Variants in UTP6 observed in about 807,000 individuals in gnomAD.
UTP6 encodes the protein U3 small nucleolar RNA-associated protein 6 homolog.
UTP6 carries 60 observed loss-of-function variants against 96.5 expected under a neutral mutation model. That is an observed-to-expected ratio of 0.62 (90% CI 0.51 to 0.77). The LOEUF (loss-of-function observed/expected upper bound fraction) is 0.77. Ranked by LOEUF, UTP6 falls within the 30% of genes least tolerant of loss-of-function variation. The pLI, the probability that UTP6 is intolerant of heterozygous loss-of-function variation, is 0.00. For synonymous variants in UTP6, 215 were observed against 240.1 expected (o/e 0.90, Z 0.96); for missense variants, 637 against 706.5 (o/e 0.90, Z 1.12).
chr17:31,886,016 A>C lies in UTP6; in HGVS notation c.667T>G (p.Trp223Gly). 6.2e-7 allele frequency: 1 copy of C among 1,613,938 alleles called. No individual in the cohort carries two copies. Among genetic ancestry groups the C allele is most frequent in the Non-Finnish European group, 8.5e-7 (1 of 1,179,964 alleles). ...CTTACAGAATTTTTGTAGATGATCC[A>C]TGCCAACTCGCCCTTAAGGATTTCT... is the stretch of plus-strand genomic sequence containing the variant. ...SEEILKGELA[W>G]IIYKNSVSII... Residue 223 changes from tryptophan to glycine, a missense_variant, in exon 9 of 19, where the codon TGG becomes GGG. By Grantham distance (184) the Trp-to-Gly change is radical. Coordinates refer to ENST00000261708, the MANE Select transcript of UTP6 (RefSeq NM_018428.3).
intron 2 of UTP6, among the ~76,000 whole-genome samples, chr17:31,895,291 T>C (rs1904567320): frequency 1.3e-5 from 2 of 152,216 alleles, no homozygotes; most frequent in South Asian, 4.1e-4. Context: ...ACAATGCAGC[T>C]ACACCAAACC....
At chr17:31,892,050 G>A (rs1567791530) in intron 6 of UTP6, 1 of 555,490 alleles carries the variant, frequency 1.8e-6, no homozygotes, top group East Asian at 2.9e-5. Context: ...AGTCCTTCTT[G>A]CCTGCAGATA....
intron 6 of UTP6, among the ~76,000 whole-genome samples, chr17:31,889,979 A>T (rs1236927255): frequency 6.6e-6 from 1 of 152,098 alleles, no homozygotes. Context: ...TACTGTTTTC[A>T]TCAGATCTAA....
intron 18 of UTP6, 35 bp from the exon 19 acceptor site, chr17:31,863,551 C>G: frequency 6.4e-7 from 1 of 1,564,564 alleles, no homozygotes; most frequent in African/African-American, 1.4e-5. Context: ...AGATAACTGA[C>G]AGAGTGTTAT....
chr17:31,885,973 T>A lies in UTP6; in HGVS notation c.703+7A>T. 6.2e-7 allele frequency: 1 copy of A among 1,609,616 alleles called. No homozygotes were observed. Among genetic ancestry groups the A allele is most frequent in the Non-Finnish European group, 8.5e-7 (1 of 1,178,016 alleles). ...CCTACCAAAAATAATGTTCAAAAGA[T>A]ACCTACCTTTAATTATGCTTACAGA... On this transcript the variant is annotated splice_region_variant and intron_variant, in intron 9 of 18. Transcript: ENST00000261708.
intron 16 of UTP6, 59 bp from the exon 17 acceptor site, chr17:31,868,171 T>G: frequency 6.7e-7 from 1 of 1,499,550 alleles, no homozygotes; most frequent in Non-Finnish European, 9.2e-7. Context: ...TTACATCTCA[T>G]AACTGTAAAT....
At chr17:31,892,467 A>G in intron 5 of UTP6, 144 bp from the exon 6 acceptor site, 8 of 904,866 alleles carry the variant, frequency 8.8e-6, no homozygotes, top group African/African-American at 1.7e-5. Flanking sequence ...ACGAACACAG[A>G]CCCTCAAAAT....
Position 31,899,708 on chromosome 17 carries a change from C to A in UTP6, c.115G>T (p.Asp39Tyr), listed in dbSNP as rs1555577717. 21 of 1,599,342 alleles carry A rather than the reference C, an allele frequency of 1.3e-5. No homozygotes were observed. Among genetic ancestry groups the A allele is most frequent in the Non-Finnish European group, 1.8e-5 (21 of 1,172,780 alleles). ...EIKAIIKKAS[D>Y]LEYKIQRRTL... ...CTTCTCTGGATTTTGTACTCTAGAT[C>A]GGAAGCCTTCTTAATGATAGCCCTG... The change falls in exon 2 of 19, where the codon GAT becomes TAT. Residue 39 changes from aspartate (D) to tyrosine (Y), a missense_variant. Asp to Tyr is a radical substitution (Grantham distance 160). Coordinates refer to ENST00000261708, the MANE Select transcript of UTP6 (RefSeq NM_018428.3).
chr17:31,874,579 T>G (rs992024702), intron 14 of UTP6, among the ~76,000 whole-genome samples: 2 of 151,462 alleles, frequency 1.3e-5, no homozygotes, highest in African/African-American at 4.9e-5. Flanking sequence ...TGAGCAGTAG[T>G]TTTTTTCCTA....
chr17:31,898,479 C>T (rs902902249), intron 2 of UTP6, among the ~76,000 whole-genome samples: 9 of 151,310 alleles, frequency 5.9e-5, no homozygotes, highest in African/African-American at 1.7e-4. Flanking sequence ...GAGCCGAGAT[C>T]GCACCACTGC....
At chr17:31,892,452 T>C in intron 5 of UTP6, 129 bp from the exon 6 acceptor site, 1 of 987,814 alleles carries the variant, frequency 1.0e-6, no homozygotes, top group Non-Finnish European at 1.5e-6. Context: ...GCTAGGGATA[T>C]ATAAACGAAC....
chr17:31,898,914 C>G (rs1904810808), intron 2 of UTP6, among the ~76,000 whole-genome samples: 1 of 151,530 alleles, frequency 6.6e-6, no homozygotes, highest in Admixed American at 6.6e-5. Flanking sequence ...CGCCTGTAAT[C>G]CCAGTTACTG....
At chr17:31,889,180 G>T in intron 7 of UTP6, 105 bp downstream of exon 7, 1 of 752,940 alleles carries the variant, frequency 1.3e-6, no homozygotes, top group Non-Finnish European at 2.1e-6. Context: ...CCAGCTACTC[G>T]GGAGGCTGAG....
chr17:31,873,619 A>G, intron 15 of UTP6, 54 bp downstream of exon 15: 1 of 1,612,614 alleles, frequency 6.2e-7, no homozygotes, highest in South Asian at 1.1e-5. Flanking sequence ...CTGACCAACC[A>G]GGGAACCTTC....
intron 16 of UTP6, among the ~76,000 whole-genome samples, chr17:31,872,154 C>T (rs960641490): frequency 2.0e-5 from 3 of 149,614 alleles, no homozygotes; most frequent in African/African-American, 7.4e-5. Flanking sequence ...GAGACTGTAC[C>T]ACTGCACTCC....
chr17:31,893,715 G>A (rs1463255482), intron 4 of UTP6, among the ~76,000 whole-genome samples: 1 of 128,910 alleles, frequency 7.8e-6, no homozygotes, highest in Non-Finnish European at 1.6e-5. Flanking sequence ...GGGCAACAGA[G>A]CAAAACTCCA....
At chr17:31,897,359 CA>C (rs1904711154) in intron 2 of UTP6, among the ~76,000 whole-genome samples, 1 of 151,472 alleles carries the variant, frequency 6.6e-6, no homozygotes, top group Non-Finnish European at 1.5e-5. Flanking sequence ...GGACCTCTTC[CA>C]AAAACAATAG....
rs1415388574 is a variant in UTP6 at position 31,897,825 on chromosome 17, C to G, written c.177+1821G>C. Among the ~76,000 whole-genome samples the G allele has an allele frequency of 3.9e-5, 6 of 152,156 alleles. No homozygotes were observed. In the East Asian group the frequency reaches 9.6e-4, roughly 24 times the overall value. The stretch of plus-strand genomic sequence containing the variant: ...CTGATTCCGTCATCCAACATATTAG[C>G]TATTCTCCCCCACTGGAAAATTGGT... On this transcript the variant is annotated intron_variant, in intron 2 of 18. Transcript: ENST00000261708.
chr17:31,888,437 G>A (rs1236294643), intron 7 of UTP6, among the ~76,000 whole-genome samples: 1 of 152,164 alleles, frequency 6.6e-6, no homozygotes, highest in African/African-American at 2.4e-5. Context: ...GGCCGGGCAT[G>A]GTGGTTCACA....
Sources: allele counts gnomAD v4.1 joint callset (sites outside exome capture counted in the v4.1 genomes callset), GRCh38; gene constraint gnomAD v4.1.1; transcripts MANE v1.5; gene names NCBI Gene and HGNC (gene_info 2026-07-23, HGNC 2026-07-21).